The following ARID4B variants were observed in gnomAD, a reference collection of about 807,000 sequenced individuals.
The protein encoded by ARID4B is AT-rich interaction domain 4B.
In ARID4B, 26 loss-of-function variants were observed where a neutral mutation model predicts 147.5. That is an observed-to-expected ratio of 0.18 (90% CI 0.13 to 0.24). The LOEUF (loss-of-function observed/expected upper bound fraction) is 0.24. Among genes scored for constraint, ARID4B ranks in the 10% least tolerant of loss-of-function variants. The probability of loss-of-function intolerance (pLI) is 1.00; values close to 1 mark genes in which losing one functional copy is unlikely to be tolerated. For synonymous variants in ARID4B, 512 were observed against 507.9 expected (o/e 1.01, Z -0.11); for missense variants, 1,179 against 1,511.5 (o/e 0.78, Z 3.65).
At chr1:235,171,412 G>A (rs773839072) in intron 23 of ARID4B, among the ~76,000 whole-genome samples, 6 of 151,930 alleles carry the variant, frequency 3.9e-5, no homozygotes, top group Non-Finnish European at 8.8e-5. Context: ...CAGCCTGGGC[G>A]ACAGAGCAAA....
chr1:235,175,570 C>CAAAAAA, intron 21 of ARID4B, 171 bp from the exon 22 acceptor site: 1 of 599,738 alleles, frequency 1.7e-6, no homozygotes, highest in Non-Finnish European at 2.9e-6. Flanking sequence ...AAAGCAAAAA[C>CAAAAAA]AAAAAATTCT....
In ARID4B at chr1:235,181,541, G is replaced by C. The variant is rs140866189; in HGVS notation, c.3334+44C>G. On this transcript the variant is annotated intron_variant, in intron 20 of 23. Coordinates refer to ENST00000264183, the MANE Select transcript of ARID4B (RefSeq NM_016374.6). ...CTGTGAAATCATTGAAACTTTAAGA[G>C]GGGAAACCCTAAAATAAGTCAACAT... 4.3e-4 allele frequency: 683 copies of C among 1,576,246 alleles called. 6 individuals carry two copies. The African/African-American group carries it at 8.2e-3, about 19-fold the overall frequency.
chr1:235,201,261 TG>T (rs1472565558), intron 17 of ARID4B, among the ~76,000 whole-genome samples: 12 of 152,104 alleles, frequency 7.9e-5, no homozygotes, highest in African/African-American at 2.9e-4. Flanking sequence ...AATTTCTCCT[TG>T]GGGTACCACG....
In ARID4B at chr1:235,181,770, G is replaced by C; in HGVS notation, c.3149C>G (p.Pro1050Arg). The C allele has an allele frequency of 6.2e-7, 1 of 1,614,118 alleles. No homozygotes were observed. Among genetic ancestry groups the C allele is most frequent in the Non-Finnish European group, 8.5e-7 (1 of 1,180,018 alleles). Residue 1050 changes from proline to arginine, a missense_variant, in exon 20 of 24, where the codon CCA (proline) becomes CGA (arginine). By Grantham distance (103) the Pro-to-Arg change is moderately radical (BLOSUM62 -2). Coordinates refer to ENST00000264183, the MANE Select transcript of ARID4B (RefSeq NM_016374.6). ...RQQSSVTVSE[P>R]LAPNQEEVRS... ...AACCTCTTCTTGGTTTGGAGCCAGTGGTTCTGATACTGTTACAGAAGACTG... is the reference window on the plus strand; with the variant it reads ...AACCTCTTCTTGGTTTGGAGCCAGTCGTTCTGATACTGTTACAGAAGACTG...
In ARID4B at chr1:235,194,394, G is replaced by A. The variant is rs192651471; in HGVS notation, c.1927-183C>T. On this transcript the variant is annotated intron_variant, in intron 18 of 23. Coordinates refer to ENST00000264183, the MANE Select transcript of ARID4B (RefSeq NM_016374.6). ...AAGCTACTTAACAAAATACTACACA[G>A]GATGATCAAAAGGTTTTGTATTTAT... Among the ~76,000 whole-genome samples the A allele has an allele frequency of 3.5e-3, 534 of 152,210 alleles. 1 individual carries two copies. Among genetic ancestry groups the A allele is most frequent in the Non-Finnish European group, 5.9e-3 (402 of 67,998 alleles).
At chr1:235,220,033 A>C in intron 15 of ARID4B, 65 bp from the exon 16 acceptor site, 3 of 1,115,050 alleles carry the variant, frequency 2.7e-6, no homozygotes, top group Non-Finnish European at 3.7e-6. Context: ...TCCATGGTTT[A>C]TCTCTTAGCA....
At chr1:235,215,344 C>T (rs10925127) in intron 16 of ARID4B, among the ~76,000 whole-genome samples, 43,827 of 151,668 alleles carry the variant, frequency 0.29, 7,595 homozygotes, top group South Asian at 0.53. Context: ...ATTTGCTGTC[C>T]TGTATGTCTG....
intron 6 of ARID4B, among the ~76,000 whole-genome samples, chr1:235,247,881 G>C (rs1474843374): frequency 1.3e-5 from 2 of 151,982 alleles, no homozygotes; most frequent in African/African-American, 4.8e-5. Context: ...CCAGCTACTC[G>C]GGAGGCTGAG....
chr1:235,287,393 T>C (rs777199059), intron 2 of ARID4B, among the ~76,000 whole-genome samples: 1 of 152,036 alleles, frequency 6.6e-6, no homozygotes, highest in Non-Finnish European at 1.5e-5. Context: ...GGGGAGGTTG[T>C]AGTAACAAAG....
chr1:235,236,853 TATATATATA>T (rs1351915471), intron 8 of ARID4B, among the ~76,000 whole-genome samples: 7 of 43,320 alleles, frequency 1.6e-4, no homozygotes, highest in East Asian at 2.5e-3. Context: ...TATATATATA[TATATATATA>T]TTTTTTTTTT....
rs1046286769 is a variant in ARID4B, at chr1:235,284,028, C to T, written c.7-23276G>A. Reference sequence around the variant, plus strand: ...TTAGGATTACAGGTCTGAACCACCACGCCCAGCCTCATTCTACATTTAAAA... The same window carrying T: ...TTAGGATTACAGGTCTGAACCACCATGCCCAGCCTCATTCTACATTTAAAA... On this transcript the variant is annotated intron_variant, in intron 2 of 23. Coordinates refer to ENST00000264183, the MANE Select transcript of ARID4B (RefSeq NM_016374.6). 3.9e-5 allele frequency among the ~76,000 whole-genome samples: 6 copies of T among 152,282 alleles called. No homozygotes were observed. In the East Asian group the frequency reaches 7.7e-4, roughly 20 times the overall value.
At chr1:235,211,442 C>T (rs1666715326) in intron 17 of ARID4B, among the ~76,000 whole-genome samples, 1 of 152,076 alleles carries the variant, frequency 6.6e-6, no homozygotes, top group South Asian at 2.1e-4. Context: ...ATTTCAAATA[C>T]TTCATAAAGG....
chr1:235,185,567 A>C (rs758947102), intron 19 of ARID4B, among the ~76,000 whole-genome samples: 10 of 152,242 alleles, frequency 6.6e-5, no homozygotes, highest in Admixed American at 6.5e-5. Context: ...ACTGAATCTC[A>C]CATCTTCTTC....
intron 8 of ARID4B, among the ~76,000 whole-genome samples, chr1:235,239,118 T>C (rs1375653650): frequency 1.3e-5 from 2 of 151,954 alleles, no homozygotes; most frequent in Non-Finnish European, 2.9e-5. Context: ...TACAGGCATG[T>C]GCCACCACAG....
chr1:235,288,434 T>C (rs917432282), intron 2 of ARID4B, among the ~76,000 whole-genome samples: 9 of 152,230 alleles, frequency 5.9e-5, no homozygotes, highest in Admixed American at 4.6e-4. Context: ...CATGTATCCA[T>C]ATTTAATAAC....
intron 5 of ARID4B, among the ~76,000 whole-genome samples, chr1:235,253,067 TAAG>T (rs1380132613): frequency 1.3e-5 from 2 of 152,028 alleles, no homozygotes; most frequent in African/African-American, 2.4e-5. Context: ...CAAATAAAAA[TAAG>T]AAGTTGGTAT....
chr1:235,302,211 AGGG>A (rs1673220543), intron 2 of ARID4B, among the ~76,000 whole-genome samples: 1 of 132,932 alleles, frequency 7.5e-6, no homozygotes, highest in Non-Finnish European at 1.6e-5. Context: ...AGGAAAAGGA[AGGG>A]AAGGGGAAGG....
At chr1:235,251,555 A>G (rs535712022) in intron 6 of ARID4B, among the ~76,000 whole-genome samples, 16 of 152,244 alleles carry the variant, frequency 1.1e-4, no homozygotes, top group Middle Eastern at 3.4e-3. Context: ...ACAAAAACAT[A>G]AAGTCTAATA....
intron 2 of ARID4B, among the ~76,000 whole-genome samples, chr1:235,306,797 AG>A (rs1673600424): frequency 6.6e-6 from 1 of 152,022 alleles, no homozygotes; most frequent in African/African-American, 2.4e-5. Flanking sequence ...CTGGGATTTC[AG>A]GTGTGCACCA....
Sources: gnomAD v4.1 joint callset for allele counts (sites outside exome capture counted in the v4.1 genomes callset) on GRCh38, gnomAD v4.1.1 for gene constraint, MANE v1.5 for transcripts, NCBI Gene and HGNC (gene_info 2026-07-23, HGNC 2026-07-21) for gene names.